The following DNAH9 variants were observed in gnomAD, a reference collection of about 807,000 sequenced individuals.
DNAH9 encodes dynein axonemal heavy chain 9, also known as DNAH9 variant protein.
In DNAH9, 345 loss-of-function variants were observed where a neutral mutation model predicts 471.6. The ratio of observed to expected loss-of-function variants is 0.73; its 90% confidence interval spans 0.67 to 0.80. The LOEUF (loss-of-function observed/expected upper bound fraction) is 0.80. Ranked by LOEUF, DNAH9 falls within the 30% of genes least tolerant of loss-of-function variation. The probability of loss-of-function intolerance (pLI) is 0.00; values close to 1 mark genes in which losing one functional copy is unlikely to be tolerated. For missense variants in DNAH9, 5,407 were observed against 5,609.2 expected (o/e 0.96, Z 1.15); for synonymous variants, 2,093 against 2,123.6 (o/e 0.99, Z 0.40).
At chr17:11,631,531 A>G (rs9911061) in intron 7 of DNAH9, among the ~76,000 whole-genome samples, 80,618 of 151,578 alleles carry the variant, frequency 0.53, 23,456 homozygotes, top group African/African-American at 0.77. Context: ...TGTAATCTCA[A>G]TTACTTGGGA....
rs182443634 is a variant in DNAH9, at chr17:11,878,208, T to G, written c.10479-1870T>G. Among the ~76,000 whole-genome samples the G allele has an allele frequency of 1.1e-3, 160 of 150,824 alleles. 1 individual carries two copies. The highest frequency in any genetic ancestry group is 3.7e-3 in the African/African-American group (154 of 41,472). On this transcript the variant is annotated intron_variant, in intron 53 of 68. Coordinates refer to ENST00000262442, the MANE Select transcript of DNAH9 (RefSeq NM_001372.4). ...GTGTCTAAAACACTGCCGAATGCAT[T>G]GTAGGCCCTTAATAAATATGTTCAA...
chr17:11,955,903 G>A (rs1975616013), intron 67 of DNAH9, among the ~76,000 whole-genome samples: 1 of 152,180 alleles, frequency 6.6e-6, no homozygotes, highest in African/African-American at 2.4e-5. Flanking sequence ...CTTCCAAATG[G>A]GAAGTAGGTA....
rs528030332 is a variant in DNAH9, at chr17:11,961,921, G to A, written c.12898G>A (p.Asp4300Asn). ...MENLQNALYF[D>N]MVPESWARRA... ...GAACTTACAGAATGCCCTGTACTTC[G>A]ATATGGTGCCAGAGTCCTGGGCTAG... Residue 4300 changes from aspartate to asparagine, a missense_variant, in exon 68 of 69, where the codon GAT becomes AAT. Asp to Asn is a conservative substitution (Grantham distance 23). Transcript: ENST00000262442. 24 of 1,614,024 alleles carry A rather than the reference G, an allele frequency of 1.5e-5. No homozygotes were observed. Among genetic ancestry groups the A allele is most frequent in the South Asian group, 2.2e-5 (2 of 91,062 alleles).
rs957100950 is a variant in DNAH9 at position 11,598,861 on chromosome 17, C to G, written c.363C>G (p.Val121=). ...CCGACAGCTTCCGCGGCGCAGTGGTCTGCGGGGACCTGCCCGCGGCACCTC... is the reference window on the plus strand; with the variant it reads ...CCGACAGCTTCCGCGGCGCAGTGGTGTGCGGGGACCTGCCCGCGGCACCTC... The part of the protein sequence containing the change: ...PGPDSFRGAV[V]CGDLPAAPLE... The change falls in exon 1 of 69, where the codon GTC becomes GTG. Residue 121 remains valine (V), a synonymous_variant. Transcript: ENST00000262442. 5 of 1,539,928 alleles carry G rather than the reference C, an allele frequency of 3.2e-6. No homozygotes were observed. The highest frequency in any genetic ancestry group is 4.4e-6 in the Non-Finnish European group (5 of 1,149,292).
At chr17:11,723,112 G>A (rs1413931285) in intron 27 of DNAH9, 1 of 152,198 alleles carries the variant, frequency 6.6e-6, no homozygotes, top group Non-Finnish European at 1.5e-5. Context: ...CCTTTATGAA[G>A]CCATGTCTAT....
intron 65 of DNAH9, 131 bp downstream of exon 65, chr17:11,934,202 G>A (rs572523644): frequency 3.2e-4 from 303 of 952,438 alleles, no homozygotes; most frequent in Middle Eastern, 6.3e-4. Context: ...CAGGGGCTGA[G>A]GCAAAAGGGC....
intron 14 of DNAH9, among the ~76,000 whole-genome samples, chr17:11,662,974 C>T (rs963408372): frequency 6.6e-6 from 1 of 151,626 alleles, no homozygotes; most frequent in Non-Finnish European, 1.5e-5. Flanking sequence ...CCAGGATGGT[C>T]TCGATCTCCT....
At chr17:11,717,155 C>T (rs1397329789) in intron 26 of DNAH9, among the ~76,000 whole-genome samples, 3 of 152,236 alleles carry the variant, frequency 2.0e-5, no homozygotes, top group Non-Finnish European at 2.9e-5. Flanking sequence ...GTCTGAAGGG[C>T]AACATTCAGC....
At chr17:11,790,422 CTTCT>C (rs1969023426) in intron 41 of DNAH9, among the ~76,000 whole-genome samples, 2 of 151,988 alleles carry the variant, frequency 1.3e-5, no homozygotes, top group African/African-American at 4.8e-5. Flanking sequence ...ATTAAGTGCC[CTTCT>C]TTATCTCTAA....
chr17:11,633,879 G>A (rs2073112425), intron 8 of DNAH9, among the ~76,000 whole-genome samples: 1 of 152,302 alleles, frequency 6.6e-6, no homozygotes, highest in African/African-American at 2.4e-5. Flanking sequence ...TTGAAATCAC[G>A]ACATCTGCTA....
At position 11,784,368 on chromosome 17, in the gene DNAH9, C is replaced by T. The variant is rs769517411; in HGVS notation, c.7890C>T (p.Ile2630=). The T allele has an allele frequency of 3.7e-6, 6 of 1,614,240 alleles. No homozygotes were observed. Among genetic ancestry groups the T allele is most frequent in the Non-Finnish European group, 4.2e-6 (5 of 1,180,042 alleles). The change falls in exon 41 of 69, where the codon ATC becomes ATT. Residue 2630 remains isoleucine (I), a synonymous_variant. Coordinates refer to ENST00000262442, the MANE Select transcript of DNAH9 (RefSeq NM_001372.4). ...ADALSSIYSI[I]LTQHLKLGNF... is the part of the protein sequence containing the mutation. ...CCCTGTCCTCTATCTACAGCATCAT[C>T]CTCACTCAGCATCTGAAGCTCGGAA...
intron 49 of DNAH9, among the ~76,000 whole-genome samples, chr17:11,835,573 A>G (rs1970824034): frequency 6.6e-6 from 1 of 152,044 alleles, no homozygotes; most frequent in South Asian, 2.1e-4. Context: ...TTGGATAACC[A>G]TGGTTGAGAG....
chr17:11,846,912 A>C (rs1421620703), intron 49 of DNAH9, among the ~76,000 whole-genome samples: 2 of 144,108 alleles, frequency 1.4e-5, no homozygotes, highest in African/African-American at 5.2e-5. Flanking sequence ...GGGCTGAGAC[A>C]GTGGGGTTTT....
chr17:11,829,967 T>C (rs1388134383), intron 48 of DNAH9, among the ~76,000 whole-genome samples: 1 of 152,216 alleles, frequency 6.6e-6, no homozygotes, highest in Non-Finnish European at 1.5e-5. Flanking sequence ...TGGACAGTAG[T>C]CAGTTCAGAG....
At chr17:11,811,299 C>T (rs577244943) in intron 45 of DNAH9, among the ~76,000 whole-genome samples, 128 of 150,912 alleles carry the variant, frequency 8.5e-4, no homozygotes, top group African/African-American at 2.9e-3. Flanking sequence ...GGCGACAGAG[C>T]GAGACTCCGT....
intron 19 of DNAH9, among the ~76,000 whole-genome samples, chr17:11,684,679 G>C (rs2074205546): frequency 6.6e-6 from 1 of 152,184 alleles, no homozygotes; most frequent in African/African-American, 2.4e-5. Context: ...GCTCAATGAA[G>C]ACCATTCGTG....
At chr17:11,841,369 G>C (rs1338146818) in intron 49 of DNAH9, among the ~76,000 whole-genome samples, 2 of 152,188 alleles carry the variant, frequency 1.3e-5, no homozygotes, top group Non-Finnish European at 2.9e-5. Flanking sequence ...AGCAGGTATT[G>C]AGGAAAGAGA....
chr17:11,871,288 T>C (rs1380878732), intron 51 of DNAH9, among the ~76,000 whole-genome samples: 1 of 152,220 alleles, frequency 6.6e-6, no homozygotes, highest in Non-Finnish European at 1.5e-5. Flanking sequence ...ATAATAAACA[T>C]ACATGATTAT....
intron 61 of DNAH9, among the ~76,000 whole-genome samples, chr17:11,919,443 C>T (rs1430704320): frequency 1.4e-5 from 2 of 140,170 alleles, no homozygotes; most frequent in East Asian, 2.1e-4. Context: ...TGCAGTGAGC[C>T]GAGATTGTGC....
Sources: gnomAD v4.1 joint callset for allele counts (sites outside exome capture counted in the v4.1 genomes callset) on GRCh38, gnomAD v4.1.1 for gene constraint, MANE v1.5 for transcripts, NCBI Gene and HGNC (gene_info 2026-07-23, HGNC 2026-07-21) for gene names.